The following PRKCE variants were observed in gnomAD, a reference collection of about 807,000 sequenced individuals.
PRKCE encodes protein kinase C epsilon.
A neutral mutation model predicts 85.4 loss-of-function variants in PRKCE; 16 were observed. The observed-to-expected ratio is 0.19, with a 90% CI of 0.13 to 0.28. The LOEUF (loss-of-function observed/expected upper bound fraction) is 0.28, where lower values mean the gene tolerates loss of function less well. Ranked by LOEUF, PRKCE falls within the 10% of genes least tolerant of loss-of-function variation. The pLI, the probability that PRKCE is intolerant of heterozygous loss-of-function variation, is 1.00. For synonymous variants in PRKCE, 388 were observed against 371.5 expected (o/e 1.04, Z -0.51); for missense variants, 573 against 975.2 (o/e 0.59, Z 5.49).
Position 45,725,000 on chromosome 2 carries a change from G to C in PRKCE, c.348+72552G>C, listed in dbSNP as rs561519748. On this transcript the variant is annotated intron_variant, in intron 1 of 14. Coordinates refer to ENST00000306156, the MANE Select transcript of PRKCE (RefSeq NM_005400.3). Reference sequence around the variant, plus strand: ...CAATAAACAACAGATTTTCAATGTAGATTAGAAGTTGCTATCTAACACTTT... The same window carrying C: ...CAATAAACAACAGATTTTCAATGTACATTAGAAGTTGCTATCTAACACTTT... Among the ~76,000 whole-genome samples, 6 of 152,334 alleles carry C rather than the reference G, an allele frequency of 3.9e-5. No individual in the cohort carries two copies. In the South Asian group the frequency reaches 1.2e-3, roughly 32 times the overall value.
chr2:45,756,458 C>A (rs1009827820), intron 1 of PRKCE, among the ~76,000 whole-genome samples: 3 of 152,184 alleles, frequency 2.0e-5, no homozygotes, highest in African/African-American at 7.2e-5. Context: ...TAAACGTAAA[C>A]CTACCATGTG....
chr2:46,065,275 G>T (rs886093851), intron 10 of PRKCE, among the ~76,000 whole-genome samples: 4 of 151,934 alleles, frequency 2.6e-5, no homozygotes, highest in African/African-American at 7.3e-5. Flanking sequence ...CAGGGGCCAG[G>T]GAGTGTGTCT....
intron 1 of PRKCE, among the ~76,000 whole-genome samples, chr2:45,728,714 T>A (rs1489472518): frequency 6.6e-6 from 1 of 152,184 alleles, no homozygotes; most frequent in African/African-American, 2.4e-5. Context: ...AGTTCATGGT[T>A]TGTTTTCAGT....
At chr2:45,777,598 T>C (rs1040321850) in intron 1 of PRKCE, among the ~76,000 whole-genome samples, 1 of 152,202 alleles carries the variant, frequency 6.6e-6, no homozygotes, top group African/African-American at 2.4e-5. Flanking sequence ...GTACTTGATA[T>C]TGAATCTGCA....
chr2:45,656,152 A>T (rs138356314), intron 1 of PRKCE, among the ~76,000 whole-genome samples: 26 of 152,342 alleles, frequency 1.7e-4, no homozygotes, highest in Non-Finnish European at 2.9e-4. Flanking sequence ...CTTAATATTT[A>T]AAAAATTGAT....
intron 1 of PRKCE, among the ~76,000 whole-genome samples, chr2:45,752,230 C>A (rs1026793877): frequency 1.2e-4 from 19 of 152,148 alleles, no homozygotes; most frequent in Non-Finnish European, 2.2e-4. Flanking sequence ...TAATTTTATT[C>A]CTGCTATGAA....
chr2:45,704,261 G>A (rs998080167), intron 1 of PRKCE, among the ~76,000 whole-genome samples: 1 of 152,212 alleles, frequency 6.6e-6, no homozygotes, highest in Non-Finnish European at 1.5e-5. Flanking sequence ...TATTGGCTTA[G>A]TATGTTGGGG....
chr2:45,723,220 C>T (rs1232244566), intron 1 of PRKCE, among the ~76,000 whole-genome samples: 3 of 152,106 alleles, frequency 2.0e-5, no homozygotes, highest in Non-Finnish European at 2.9e-5. Context: ...ATGGTTTACA[C>T]GTGGTTATTC....
intron 2 of PRKCE, among the ~76,000 whole-genome samples, chr2:45,889,067 T>G (rs1224999607): frequency 6.6e-6 from 1 of 152,220 alleles, no homozygotes; most frequent in Non-Finnish European, 1.5e-5. Context: ...GTAGACCACA[T>G]AGCATTTGGG....
chr2:46,012,274 ATC>A (rs1010241564), intron 10 of PRKCE, among the ~76,000 whole-genome samples: 1 of 150,166 alleles, frequency 6.7e-6, no homozygotes, highest in African/African-American at 2.4e-5. Flanking sequence ...ATCTTTCTTT[ATC>A]TCTCTCTCTT....
intron 1 of PRKCE, among the ~76,000 whole-genome samples, chr2:45,722,842 T>C (rs542843369): frequency 6.6e-6 from 1 of 152,382 alleles, no homozygotes; most frequent in East Asian, 1.9e-4. Flanking sequence ...GGCTCACGCC[T>C]GTAATCCCAG....
In PRKCE at chr2:45,991,899, A is replaced by G. The variant is rs896827775; in HGVS notation, c.823+7219A>G. Among the ~76,000 whole-genome samples, 10 of 152,060 alleles carry G rather than the reference A, an allele frequency of 6.6e-5. 1 individual carries two copies. Among genetic ancestry groups the G allele is most frequent in the Non-Finnish European group, 1.5e-4 (10 of 68,014 alleles). On this transcript the variant is annotated intron_variant, in intron 6 of 14. Coordinates refer to ENST00000306156, the MANE Select transcript of PRKCE (RefSeq NM_005400.3). ...TTGGGATTCTAGTTCCCTGTTATCTATTGGGTCTGGTCTGAGAGGTGTCAT... is the reference window on the plus strand; with the variant it reads ...TTGGGATTCTAGTTCCCTGTTATCTGTTGGGTCTGGTCTGAGAGGTGTCAT...
chr2:46,013,237 ATAGTTT>A (rs1333828638), intron 10 of PRKCE, among the ~76,000 whole-genome samples: 1 of 152,242 alleles, frequency 6.6e-6, no homozygotes, highest in Non-Finnish European at 1.5e-5. Flanking sequence ...ACAGTTTATC[ATAGTTT>A]TAAAGAGTAG....
At chr2:45,859,999 C>G (rs1693014524) in intron 2 of PRKCE, among the ~76,000 whole-genome samples, 2 of 152,160 alleles carry the variant, frequency 1.3e-5, no homozygotes, top group Admixed American at 1.3e-4. Flanking sequence ...TAATATACTT[C>G]CTGGAAATCT....
chr2:46,034,259 G>C (rs1447826905), intron 10 of PRKCE, among the ~76,000 whole-genome samples: 1 of 152,140 alleles, frequency 6.6e-6, no homozygotes, highest in African/African-American at 2.4e-5. Context: ...TCCTTAGATA[G>C]GGGCTGTCAC....
At chr2:45,817,734 G>C (rs1371115512) in intron 1 of PRKCE, among the ~76,000 whole-genome samples, 1 of 152,148 alleles carries the variant, frequency 6.6e-6, no homozygotes, top group Non-Finnish European at 1.5e-5. Flanking sequence ...AGATTCTGCT[G>C]ACACCGAGGC....
intron 10 of PRKCE, among the ~76,000 whole-genome samples, chr2:46,083,288 G>C (rs531606106): frequency 3.4e-4 from 52 of 152,210 alleles, no homozygotes; most frequent in African/African-American, 1.2e-3. Context: ...TGAGCACAGA[G>C]AGCCAAAGGC....
intron 13 of PRKCE, among the ~76,000 whole-genome samples, chr2:46,152,205 A>T (rs1471162359): frequency 1.3e-5 from 2 of 150,224 alleles, no homozygotes; most frequent in African/African-American, 4.9e-5. Flanking sequence ...TTTTTTAGAC[A>T]GAGTCTCACT....
intron 1 of PRKCE, among the ~76,000 whole-genome samples, chr2:45,696,241 C>T (rs1317918077): frequency 6.6e-6 from 1 of 151,902 alleles, no homozygotes; most frequent in African/African-American, 2.4e-5. Flanking sequence ...TAGGTGTGAG[C>T]CACCACACCT....
Sources: gnomAD v4.1 joint callset for allele counts (sites outside exome capture counted in the v4.1 genomes callset) on GRCh38, gnomAD v4.1.1 for gene constraint, MANE v1.5 for transcripts, NCBI Gene and HGNC (gene_info 2026-07-23, HGNC 2026-07-21) for gene names.